ADK: variants seen among roughly 807,000 people sequenced by gnomAD.
The protein encoded by ADK is N6,N6-dimethyladenosine kinase.
In ADK, 24 loss-of-function variants were observed where a neutral mutation model predicts 44.7. The observed-to-expected ratio is 0.54, with a 90% CI of 0.39 to 0.76. The LOEUF (loss-of-function observed/expected upper bound fraction) is 0.76, where lower values mean the gene tolerates loss of function less well. Among genes scored for constraint, ADK ranks in the 30% least tolerant of loss-of-function variants. The probability of loss-of-function intolerance (pLI) is 0.00; values close to 1 mark genes in which losing one functional copy is unlikely to be tolerated. For missense variants in ADK, 321 were observed against 425.1 expected (o/e 0.76, Z 2.15); for synonymous variants, 128 against 142.6 (o/e 0.90, Z 0.73).
chr10:74,602,081 G>A (rs1004501167), intron 9 of ADK, among the ~76,000 whole-genome samples: 1 of 120,052 alleles, frequency 8.3e-6, no homozygotes. Context: ...CCCCAGCATG[G>A]ATGACAGACC....
intron 6 of ADK, among the ~76,000 whole-genome samples, chr10:74,498,767 C>G (rs189068879): frequency 6.6e-6 from 1 of 152,110 alleles, no homozygotes; most frequent in Non-Finnish European, 1.5e-5. Flanking sequence ...TGAGTGAGAA[C>G]ATGTACACTA....
At chr10:74,525,822 A>AT (rs1849015768) in intron 7 of ADK, among the ~76,000 whole-genome samples, 1 of 151,744 alleles carries the variant, frequency 6.6e-6, no homozygotes, top group African/African-American at 2.4e-5. Context: ...GCCCAGCTAA[A>AT]TTTTGTGTTT....
chr10:74,471,543 T>C (rs891866814), intron 6 of ADK, among the ~76,000 whole-genome samples: 2 of 152,192 alleles, frequency 1.3e-5, no homozygotes, highest in Non-Finnish European at 2.9e-5. Context: ...CAAAAAAATG[T>C]CATTGGGATT....
At chr10:74,680,655 TG>T (rs1378224672) in intron 10 of ADK, among the ~76,000 whole-genome samples, 28 of 152,276 alleles carry the variant, frequency 1.8e-4, no homozygotes, top group African/African-American at 5.8e-4. Flanking sequence ...ATCTTCACTG[TG>T]GTAAATAAGT....
intron 2 of ADK, among the ~76,000 whole-genome samples, chr10:74,203,306 A>G (rs565102099): frequency 1.3e-5 from 2 of 151,688 alleles, no homozygotes; most frequent in East Asian, 3.9e-4. Flanking sequence ...ATTGATACAT[A>G]TGTCTGTCCT....
At chr10:74,175,276 C>T (rs1356606327) in intron 1 of ADK, among the ~76,000 whole-genome samples, 3 of 151,356 alleles carry the variant, frequency 2.0e-5, no homozygotes, top group Admixed American at 1.3e-4. Flanking sequence ...CCCAGCTACT[C>T]GGGAGCCTGA....
intron 6 of ADK, among the ~76,000 whole-genome samples, chr10:74,487,847 A>G (rs1032000848): frequency 6.6e-6 from 1 of 152,034 alleles, no homozygotes. Flanking sequence ...TAAAAACAGC[A>G]TACTGAAGCC....
intron 3 of ADK, among the ~76,000 whole-genome samples, chr10:74,259,929 C>T (rs1436210646): frequency 1.3e-5 from 2 of 151,934 alleles, no homozygotes; most frequent in African/African-American, 4.8e-5. Flanking sequence ...TAAGAATGTT[C>T]TAGATAGGGA....
chr10:74,327,918 T>A (rs554134639), intron 4 of ADK, among the ~76,000 whole-genome samples: 2 of 152,312 alleles, frequency 1.3e-5, no homozygotes, highest in East Asian at 3.9e-4. Context: ...ACATTTTGAA[T>A]TTTTTTCTGA....
At chr10:74,393,634 T>C (rs1477687638) in intron 4 of ADK, among the ~76,000 whole-genome samples, 1 of 152,218 alleles carries the variant, frequency 6.6e-6, no homozygotes, top group Non-Finnish European at 1.5e-5. Context: ...TTACATCATT[T>C]CAATTAGTCC....
Position 74,671,038 on chromosome 10 carries a change from T to TAAAAAAAAAAAA in ADK, c.964+776_964+787dup, listed in dbSNP as rs10670267. ...AACATCAAGCCAGACCAGGTTAATT[T>TAAAAAAAAAAAA]AAAAAAAAAAAAAAAAAAGCAAGCA... On this transcript the variant is annotated intron_variant, in intron 10 of 10. Transcript: ENST00000539909. Among the ~76,000 whole-genome samples, 6 of 99,090 alleles carry TAAAAAAAAAAAA rather than the reference T, an allele frequency of 6.1e-5. 1 individual carries two copies. The highest frequency in any genetic ancestry group is 1.2e-4 in the African/African-American group (3 of 25,080). 65.0% of individuals were successfully genotyped at this position (99,090 alleles called of 152,430 possible).
At chr10:74,659,385 C>A (rs1054726321) in intron 9 of ADK, among the ~76,000 whole-genome samples, 30 of 152,152 alleles carry the variant, frequency 2.0e-4, no homozygotes, top group Admixed American at 1.8e-3. Flanking sequence ...GAACTGAAGA[C>A]CTTAACTGGA....
chr10:74,596,235 T>A (rs1851922498), intron 8 of ADK, among the ~76,000 whole-genome samples: 1 of 152,188 alleles, frequency 6.6e-6, no homozygotes. Flanking sequence ...GGAGTCAGAC[T>A]GTGGGTGCTA....
At chr10:74,399,366 C>T (rs906536113) in intron 6 of ADK, among the ~76,000 whole-genome samples, 1 of 151,010 alleles carries the variant, frequency 6.6e-6, no homozygotes, top group Non-Finnish European at 1.5e-5. Context: ...ATTGATTACC[C>T]TACTAGGAGG....
intron 9 of ADK, among the ~76,000 whole-genome samples, chr10:74,607,787 G>C (rs1490371948): frequency 6.6e-6 from 1 of 152,178 alleles, no homozygotes; most frequent in Non-Finnish European, 1.5e-5. Context: ...TGTCTTGCTA[G>C]ATTGGGGAAG....
intron 1 of ADK, among the ~76,000 whole-genome samples, chr10:74,163,787 T>C (rs1841963784): frequency 6.6e-6 from 1 of 152,228 alleles, no homozygotes; most frequent in Non-Finnish European, 1.5e-5. Flanking sequence ...AAGAAAATTA[T>C]TTCCTTTACA....
intron 6 of ADK, among the ~76,000 whole-genome samples, chr10:74,403,816 C>T (rs1031268886): frequency 2.9e-4 from 44 of 152,188 alleles, no homozygotes; most frequent in African/African-American, 1.0e-3. Flanking sequence ...CACCCGTCTT[C>T]TGCATCACTC....
intron 1 of ADK, among the ~76,000 whole-genome samples, chr10:74,192,237 G>GT (rs946947764): frequency 2.8e-4 from 42 of 148,580 alleles, no homozygotes; most frequent in African/African-American, 7.9e-4. Context: ...TCTTTTATTT[G>GT]TTTTTTTTGA....
intron 6 of ADK, among the ~76,000 whole-genome samples, chr10:74,517,195 G>C (rs1288014489): frequency 6.6e-6 from 1 of 152,088 alleles, no homozygotes; most frequent in Non-Finnish European, 1.5e-5. Context: ...CCTAGAAATA[G>C]ACTTCTAGGA....
Sources: allele counts gnomAD v4.1 joint callset (sites outside exome capture counted in the v4.1 genomes callset), GRCh38; gene constraint gnomAD v4.1.1; transcripts MANE v1.5; gene names NCBI Gene and HGNC (gene_info 2026-07-23, HGNC 2026-07-21).